COBLL1: variants seen among roughly 807,000 people sequenced by gnomAD.
The protein encoded by COBLL1 is cordon-bleu WH2 repeat protein like 1, also known as cordon-bleu protein-like 1.
COBLL1 carries 50 observed loss-of-function variants against 94.8 expected under a neutral mutation model. The ratio of observed to expected loss-of-function variants is 0.53; its 90% CI spans 0.42 to 0.67. The LOEUF is 0.67. Ranked by LOEUF, COBLL1 falls within the 30% of genes least tolerant of loss-of-function variation. COBLL1 has a pLI of 0.00. For missense variants in COBLL1, 1,362 were observed against 1,348.7 expected (o/e 1.01, Z -0.15); for synonymous variants, 448 against 473.8 (o/e 0.95, Z 0.71).
At chr2:164,786,028 G>A (rs961504841) in intron 2 of COBLL1, among the ~76,000 whole-genome samples, 19 of 151,974 alleles carry the variant, frequency 1.3e-4, no homozygotes, top group South Asian at 4.1e-4. Context: ...CTAATTTTTC[G>A]GATGAATAAT....
rs1684071704 is a variant in COBLL1, at chr2:164,805,340, T to TATAAATATATATGTATAAATATATATAA, written c.41+35815_41+35816insTTATATATATTTATACATATATATTTAT. Among the ~76,000 whole-genome samples, 5 of 66,822 alleles carry TATAAATATATATGTATAAATATATATAA rather than the reference T, an allele frequency of 7.5e-5. 1 individual carries two copies. Among genetic ancestry groups the TATAAATATATATGTATAAATATATATAA allele is most frequent in the African/African-American group, 2.5e-4 (5 of 19,962 alleles). The allele number at this position is 66,822 out of a possible 152,430, so 43.8% of individuals were successfully genotyped here. A position where few individuals can be genotyped will look rare whatever the true frequency, so the allele number is the denominator to read the frequency against. On this transcript the variant is annotated intron_variant, in intron 2 of 13. Coordinates refer to ENST00000652658, the MANE Select transcript of COBLL1 (RefSeq NM_001365672.2). ...CTCTCTCTCTCTCTCTCTCTCTCTA[T>TATAAATATATATGTATAAATATATATAA]ATATATATATATATATATATATAAA...
chr2:164,674,436 T>A (rs966882296), intron 1 of COBLL1, among the ~76,000 whole-genome samples: 19 of 152,184 alleles, frequency 1.2e-4, no homozygotes, highest in Non-Finnish European at 2.1e-4. Flanking sequence ...TATAGAAGAA[T>A]GAGGACTCTA....
intron 3 of COBLL1, among the ~76,000 whole-genome samples, chr2:164,740,292 G>A (rs982252018): frequency 6.6e-6 from 1 of 152,094 alleles, no homozygotes; most frequent in Non-Finnish European, 1.5e-5. Flanking sequence ...GAGTCTGGGA[G>A]GCAGAAGCTG....
Position 164,700,774 on chromosome 2 carries a change from T to C in COBLL1, c.1226-18A>G, listed in dbSNP as rs1684211950. ...TATTCCAGCTACAAAGAAATGCAGA[T>C]ATAATCCTAAATATTAATTTGCCTC... On this transcript the variant is annotated intron_variant, in intron 9 of 13. Coordinates refer to ENST00000652658, the MANE Select transcript of COBLL1 (RefSeq NM_001365672.2). 1.4e-6 allele frequency: 2 copies of C among 1,449,340 alleles called. No individual in the cohort carries two copies. The highest frequency in any genetic ancestry group is 1.4e-5 in the African/African-American group (1 of 71,006). The allele number at this position is 1,449,340 out of a possible 1,614,324, so 89.8% of individuals were successfully genotyped here.
intron 7 of COBLL1, among the ~76,000 whole-genome samples, chr2:164,714,410 G>A (rs1369614053): frequency 6.7e-6 from 1 of 149,452 alleles, no homozygotes; most frequent in African/African-American, 2.5e-5. Context: ...CCACCAGAAA[G>A]CAGAGCTCAG....
intron 2 of COBLL1, among the ~76,000 whole-genome samples, chr2:164,802,292 G>A (rs1314110563): frequency 6.6e-6 from 1 of 152,102 alleles, no homozygotes; most frequent in African/African-American, 2.4e-5. Context: ...GGTAAGCATC[G>A]ATCATAATTT....
chr2:164,786,299 G>C (rs1688953708), intron 2 of COBLL1, among the ~76,000 whole-genome samples: 1 of 152,168 alleles, frequency 6.6e-6, no homozygotes, highest in Non-Finnish European at 1.5e-5. Flanking sequence ...ATAGAGTCCT[G>C]CCACAAATAC....
chr2:164,793,978 A>G (rs976461947), intron 2 of COBLL1, among the ~76,000 whole-genome samples: 4 of 152,230 alleles, frequency 2.6e-5, no homozygotes, highest in Non-Finnish European at 5.9e-5. Flanking sequence ...GATGGTTAAA[A>G]TGGCTTTTTA....
chr2:164,715,726 A>C (rs1685128809), intron 7 of COBLL1, among the ~76,000 whole-genome samples: 1 of 152,068 alleles, frequency 6.6e-6, no homozygotes, highest in Non-Finnish European at 1.5e-5. Flanking sequence ...TTTCACTTGC[A>C]TAATACTAGA....
chr2:164,694,399 G>T lies in COBLL1; in HGVS notation c.2993C>A (p.Ser998Tyr), dbSNP rs1191609243. The T allele has an allele frequency of 1.6e-5, 26 of 1,613,990 alleles. No individual in the cohort carries two copies. The highest frequency in any genetic ancestry group is 2.2e-5 in the Non-Finnish European group (26 of 1,179,944). Residue 998 changes from serine to tyrosine, a missense_variant, in exon 12 of 14, where the codon TCT becomes TAT. By Grantham distance (144) the Ser-to-Tyr change is moderately radical. Transcript: ENST00000652658. ...FALAVVKRSQ[S>Y]FSKERTESPS... ...TGACTCGGTGCGCTCTTTACTGAAAGACTGTGACCTTTTCACTACAGCAAG... is the reference window on the plus strand; with the variant it reads ...TGACTCGGTGCGCTCTTTACTGAAATACTGTGACCTTTTCACTACAGCAAG...
chr2:164,735,386 G>A (rs746950047), intron 3 of COBLL1, among the ~76,000 whole-genome samples: 3 of 152,138 alleles, frequency 2.0e-5, no homozygotes, highest in Middle Eastern at 3.2e-3. Context: ...TTACACAAAG[G>A]TGAGACATAA....
rs971085668 is a variant in COBLL1 at position 164,841,019 on chromosome 2, G to A, written c.41+137C>T. 15 of 987,846 alleles carry A rather than the reference G, an allele frequency of 1.5e-5. No individual in the cohort carries two copies. Among genetic ancestry groups the A allele is most frequent in the African/African-American group, 3.4e-5 (2 of 59,336 alleles). The allele number at this position is 987,846 out of a possible 1,614,324, so 61.2% of individuals were successfully genotyped here. A position where few individuals can be genotyped will look rare whatever the true frequency, so the allele number is the denominator to read the frequency against. ...AAGGCCGGGAGGAAGCAGCCTCCCC[G>A]GCCGCGTGGAGGACAGTCAGTGAGT... On this transcript the variant is annotated intron_variant, in intron 2 of 13. Coordinates refer to ENST00000652658, the MANE Select transcript of COBLL1 (RefSeq NM_001365672.2). The surrounding 1 kb of genome is among the most constrained non-coding windows in gnomAD (Gnocchi z 5.5).
intron 2 of COBLL1, among the ~76,000 whole-genome samples, chr2:164,789,197 CA>C (rs1213901670): frequency 6.6e-6 from 1 of 151,886 alleles, no homozygotes; most frequent in African/African-American, 2.4e-5. Context: ...TGTCTCAAAA[CA>C]AAACAAAAAC....
rs1204904077 is a variant in COBLL1 at position 164,685,329 on chromosome 2, A to G, written c.*617T>C. The G allele has an allele frequency of 6.6e-6, 1 of 152,192 alleles. No individual in the cohort carries two copies. The highest frequency in any genetic ancestry group is 2.1e-4 in the South Asian group (1 of 4,834). 9.4% of individuals were successfully genotyped at this position (152,192 alleles called of 1,614,324 possible). A position where few individuals can be genotyped will look rare whatever the true frequency, so the allele number is the denominator to read the frequency against. Reference sequence around the variant, plus strand: ...AACAAGAGTTCCATGTTAATAAAATATTAAAATACTATGAGCTTCCCATAA... The same window carrying G: ...AACAAGAGTTCCATGTTAATAAAATGTTAAAATACTATGAGCTTCCCATAA... On this transcript the variant is annotated 3_prime_UTR_variant, in exon 14 of 14. Transcript: ENST00000652658.
chr2:164,716,896 C>T (rs1256649583), intron 7 of COBLL1, among the ~76,000 whole-genome samples: 1 of 152,034 alleles, frequency 6.6e-6, no homozygotes, highest in African/African-American at 2.4e-5. Context: ...ATGTGGTTGA[C>T]AAAATTTTTC....
At position 164,694,712 on chromosome 2, in the gene COBLL1, G is replaced by T. The variant is rs765158775; in HGVS notation, c.2680C>A (p.Pro894Thr). ...AAKSVHAAPNPAPKELTNKEA... is the reference protein window; with the variant it reads ...AAKSVHAAPNTAPKELTNKEA... ...TTATTTGTCAGTTCTTTTGGAGCAGGATTAGGGGCAGCATGGACACTCTTG... is the reference window on the plus strand; with the variant it reads ...TTATTTGTCAGTTCTTTTGGAGCAGTATTAGGGGCAGCATGGACACTCTTG... Residue 894 changes from proline (P) to threonine (T), a missense_variant, in exon 12 of 14, where the codon CCT (proline) becomes ACT (threonine). By Grantham distance (38) the Pro-to-Thr change is conservative. Coordinates refer to ENST00000652658, the MANE Select transcript of COBLL1 (RefSeq NM_001365672.2). 10 of 1,613,728 alleles carry T rather than the reference G, an allele frequency of 6.2e-6. No individual in the cohort carries two copies. The East Asian group carries it at 2.2e-4, about 36-fold the overall frequency.
chr2:164,719,048 A>G (rs3754955), intron 7 of COBLL1, among the ~76,000 whole-genome samples: 95,790 of 151,798 alleles, frequency 0.63, 31,633 homozygotes, highest in African/African-American at 0.84. Context: ...ATACAAATGC[A>G]GCAGCTTGCC....
intron 2 of COBLL1, among the ~76,000 whole-genome samples, chr2:164,835,153 TTC>T (rs1444319101): frequency 6.6e-6 from 1 of 152,102 alleles, no homozygotes; most frequent in Non-Finnish European, 1.5e-5. Context: ...GATCCAGACT[TTC>T]TATTTCTAAC....
intron 2 of COBLL1, among the ~76,000 whole-genome samples, chr2:164,768,390 C>A (rs536895735): frequency 6.6e-6 from 1 of 151,390 alleles, no homozygotes; most frequent in East Asian, 1.9e-4. Context: ...AACACAAATT[C>A]GTAAACTTTC....
Sources: gnomAD v4.1 joint callset for allele counts (sites outside exome capture counted in the v4.1 genomes callset) on GRCh38, gnomAD v4.1.1 for gene constraint, Gnocchi (gnomAD v3.1) non-coding constraint, MANE v1.5 for transcripts, NCBI Gene and HGNC (gene_info 2026-07-23, HGNC 2026-07-21) for gene names.